Variants in PTPRD observed in about 807,000 individuals in gnomAD.
PTPRD encodes receptor-type tyrosine-protein phosphatase delta.
Under a neutral mutation model 214.5 loss-of-function variants are expected in PTPRD, and 34 were observed. The observed-to-expected ratio is 0.16, with a 90% CI of 0.12 to 0.21. The LOEUF (loss-of-function observed/expected upper bound fraction) is 0.21. Ranked by LOEUF, PTPRD falls within the 10% of genes least tolerant of loss-of-function variation. PTPRD has a pLI of 1.00. For missense variants in PTPRD, 2,545 were observed against 2,398.7 expected (o/e 1.06, Z -1.27); for synonymous variants, 1,128 against 845.7 (o/e 1.33, Z -5.79).
intron 3 of PTPRD, among the ~76,000 whole-genome samples, chr9:10,143,883 G>C (rs899459763): frequency 2.6e-5 from 4 of 151,986 alleles, no homozygotes; most frequent in African/African-American, 9.7e-5. Context: ...GATGGAAAGA[G>C]ACACTGGGGG....
intron 7 of PTPRD, among the ~76,000 whole-genome samples, chr9:9,578,715 T>C (rs998731585): frequency 7.2e-5 from 11 of 152,080 alleles, no homozygotes; most frequent in African/African-American, 2.7e-4. Context: ...GTTTCATATA[T>C]TAGAGATTAT....
chr9:10,194,963 C>A (rs2099391593), intron 3 of PTPRD, among the ~76,000 whole-genome samples: 1 of 142,072 alleles, frequency 7.0e-6, no homozygotes, highest in South Asian at 2.2e-4. Flanking sequence ...TTTTTTGAGA[C>A]AGAGTCTTGT....
At chr9:8,863,364 A>G (rs1052265947) in intron 11 of PTPRD, among the ~76,000 whole-genome samples, 2 of 152,242 alleles carry the variant, frequency 1.3e-5, no homozygotes, top group African/African-American at 4.8e-5. Context: ...TCCCAACCCA[A>G]GTGAAACACT....
chr9:9,404,959 G>C (rs947298933), intron 8 of PTPRD, among the ~76,000 whole-genome samples: 1 of 151,930 alleles, frequency 6.6e-6, no homozygotes, highest in African/African-American at 2.4e-5. Flanking sequence ...AAAATCAACT[G>C]GTTTGTGGTT....
intron 5 of PTPRD, among the ~76,000 whole-genome samples, chr9:9,832,492 A>G (rs1447964441): frequency 1.3e-5 from 2 of 152,038 alleles, no homozygotes; most frequent in South Asian, 2.1e-4. Context: ...TTTCAGGTAC[A>G]TAGCATGCCT....
chr9:10,425,354 T>A lies in PTPRD; in HGVS notation c.-599-84337A>T, dbSNP rs943442023. On this transcript the variant is annotated intron_variant, in intron 2 of 45. Transcript: ENST00000381196. ...TTAAACCAATATTTCCCTCTTCTAT[T>A]ACCTATCATAGTCACCAGAACATTC... Among the ~76,000 whole-genome samples the A allele has an allele frequency of 3.3e-5, 5 of 152,120 alleles. No homozygotes were observed. In the East Asian group the frequency reaches 9.7e-4, roughly 30 times the overall value.
chr9:8,578,251 T>C (rs976668250), intron 14 of PTPRD, among the ~76,000 whole-genome samples: 2 of 152,118 alleles, frequency 1.3e-5, no homozygotes, highest in Non-Finnish European at 2.9e-5. Context: ...GTTATTTTCA[T>C]GTTAGACAAT....
intron 8 of PTPRD, among the ~76,000 whole-genome samples, chr9:9,414,295 C>G (rs765444949): frequency 6.6e-6 from 1 of 152,208 alleles, no homozygotes; most frequent in Non-Finnish European, 1.5e-5. Flanking sequence ...TCACTGTGTT[C>G]AGTCAGGTTC....
intron 3 of PTPRD, among the ~76,000 whole-genome samples, chr9:10,318,203 C>T (rs761004824): frequency 4.3e-4 from 66 of 152,060 alleles, no homozygotes; most frequent in Middle Eastern, 3.4e-3. Flanking sequence ...TACGTGACTG[C>T]CTTTGGTTAA....
intron 2 of PTPRD, among the ~76,000 whole-genome samples, chr9:10,386,052 T>G (rs1365149500): frequency 6.6e-6 from 1 of 151,832 alleles, no homozygotes; most frequent in Admixed American, 6.6e-5. Flanking sequence ...TGACCCAATT[T>G]TTCGAACTGT....
At chr9:9,149,161 G>C (rs79976327) in intron 10 of PTPRD, among the ~76,000 whole-genome samples, 4 of 152,204 alleles carry the variant, frequency 2.6e-5, no homozygotes, top group African/African-American at 9.6e-5. Context: ...TAAAATTATC[G>C]CTCACCTCAG....
At chr9:10,467,195 G>A (rs570623856) in intron 2 of PTPRD, among the ~76,000 whole-genome samples, 90 of 152,230 alleles carry the variant, frequency 5.9e-4, no homozygotes, top group African/African-American at 2.1e-3. Flanking sequence ...ACTACTTATG[G>A]GGGCAGATAA....
chr9:8,320,925 G>A (rs1333275458), intron 44 of PTPRD, among the ~76,000 whole-genome samples: 2 of 152,098 alleles, frequency 1.3e-5, no homozygotes, highest in African/African-American at 4.8e-5. Context: ...TAAACAGCAT[G>A]TGTAACACTT....
chr9:10,339,678 C>T (rs932217667), intron 3 of PTPRD, among the ~76,000 whole-genome samples: 2 of 151,502 alleles, frequency 1.3e-5, no homozygotes, highest in Admixed American at 6.6e-5. Context: ...TATAGAAACC[C>T]GGGTGATTAC....
rs569631293 is a variant in PTPRD, at chr9:10,574,035, G to A, written c.-600+38363C>T. Among the ~76,000 whole-genome samples, 38 of 152,228 alleles carry A rather than the reference G, an allele frequency of 2.5e-4. No homozygotes were observed. In the South Asian group the frequency reaches 6.4e-3, roughly 26 times the overall value. ...GGGGAGTTTGCCAAGGAAGAATTCCGAATGTTAAAATCAGTAACCTGAGGT... is the reference window on the plus strand; with the variant it reads ...GGGGAGTTTGCCAAGGAAGAATTCCAAATGTTAAAATCAGTAACCTGAGGT... On this transcript the variant is annotated intron_variant, in intron 2 of 45. Coordinates refer to ENST00000381196, the MANE Select transcript of PTPRD (RefSeq NM_002839.4).
intron 11 of PTPRD, among the ~76,000 whole-genome samples, chr9:8,900,100 T>G (rs1056028218): frequency 2.6e-5 from 4 of 152,218 alleles, no homozygotes; most frequent in African/African-American, 9.6e-5. Flanking sequence ...ATTCAACGAC[T>G]GTTGGTCATT....
chr9:9,589,070 C>G (rs1211678810), intron 7 of PTPRD, among the ~76,000 whole-genome samples: 2 of 151,852 alleles, frequency 1.3e-5, no homozygotes, highest in Admixed American at 6.6e-5. Context: ...TAATTTGAAG[C>G]AATTCATGCC....
chr9:8,935,500 A>G (rs2098990732), intron 11 of PTPRD, among the ~76,000 whole-genome samples: 1 of 152,192 alleles, frequency 6.6e-6, no homozygotes, highest in South Asian at 2.1e-4. Flanking sequence ...GAGATTCTTA[A>G]AATATCATCC....
chr9:9,539,680 C>G (rs1296447925), intron 8 of PTPRD, among the ~76,000 whole-genome samples: 1 of 151,836 alleles, frequency 6.6e-6, no homozygotes, highest in Non-Finnish European at 1.5e-5. Context: ...TCCCAAAGTG[C>G]TCACTGCCAT....
Sources: gnomAD v4.1 joint callset for allele counts (sites outside exome capture counted in the v4.1 genomes callset) on GRCh38, gnomAD v4.1.1 for gene constraint, MANE v1.5 for transcripts, NCBI Gene and HGNC (gene_info 2026-07-23, HGNC 2026-07-21) for gene names.